FMN2: variants seen among roughly 807,000 people sequenced by gnomAD.
The protein encoded by FMN2 is formin-2.
Under a neutral mutation model 142.3 loss-of-function variants are expected in FMN2, and 51 were observed. The observed-to-expected ratio is 0.36, with a 90% CI of 0.29 to 0.45. The LOEUF (loss-of-function observed/expected upper bound fraction) is 0.45. Ranked by LOEUF, FMN2 falls within the 20% of genes least tolerant of loss-of-function variation. FMN2 has a pLI of 1.00. For synonymous variants in FMN2, 882 were observed against 869.8 expected (o/e 1.01, Z -0.25); for missense variants, 1,936 against 2,122.8 (o/e 0.91, Z 1.73).
Position 240,092,583 on chromosome 1 carries a change from G to T in FMN2, c.474G>T (p.Pro158=), listed in dbSNP as rs1198977248. Residue 158 remains proline (P), a synonymous_variant, in exon 1 of 18, where the codon CCG becomes CCT. Coordinates refer to ENST00000319653, the MANE Select transcript of FMN2 (RefSeq NM_020066.5). ...GPAEARVGGR[P]IAEDVETAAG... Reference sequence around the variant, plus strand: ...CCGAGGCTAGGGTCGGGGGCCGGCCGATCGCCGAGGATGTGGAAACTGCAG... The same window carrying T: ...CCGAGGCTAGGGTCGGGGGCCGGCCTATCGCCGAGGATGTGGAAACTGCAG... 6.2e-7 allele frequency: 1 copy of T among 1,613,510 alleles called. No individual in the cohort carries two copies. Among genetic ancestry groups the T allele is most frequent in the African/African-American group, 1.3e-5 (1 of 74,870 alleles).
chr1:240,425,830 G>C (rs1031692393), intron 15 of FMN2, among the ~76,000 whole-genome samples: 2 of 152,140 alleles, frequency 1.3e-5, no homozygotes, highest in South Asian at 4.1e-4. Context: ...TGTTTTTCAA[G>C]AAAGTCATCA....
intron 14 of FMN2, among the ~76,000 whole-genome samples, chr1:240,360,284 A>G (rs1672419151): frequency 6.6e-6 from 1 of 152,218 alleles, no homozygotes. Flanking sequence ...AAACAGTTAC[A>G]TGATTATACA....
chr1:240,332,251 A>C (rs946416755), intron 11 of FMN2, among the ~76,000 whole-genome samples: 1 of 140,676 alleles, frequency 7.1e-6, no homozygotes, highest in African/African-American at 2.8e-5. Flanking sequence ...AGAGCTGATA[A>C]ATTACATTTG....
intron 1 of FMN2, among the ~76,000 whole-genome samples, chr1:240,109,894 C>A (rs1004137808): frequency 2.6e-5 from 4 of 152,034 alleles, no homozygotes; most frequent in African/African-American, 9.7e-5. Context: ...GGGCAGGGAG[C>A]ATGTTTTCTT....
chr1:240,169,761 C>T (rs1664627225), intron 2 of FMN2, among the ~76,000 whole-genome samples: 1 of 152,154 alleles, frequency 6.6e-6, no homozygotes, highest in Admixed American at 6.5e-5. Flanking sequence ...AGGCGTGAGC[C>T]ACCAGCACAC....
chr1:240,119,444 C>A (rs1571945993), intron 1 of FMN2, among the ~76,000 whole-genome samples: 1 of 152,116 alleles, frequency 6.6e-6, no homozygotes. Flanking sequence ...AGAGGTTAGG[C>A]CTGGGGTTCT....
chr1:240,207,558 C>T lies in FMN2; in HGVS notation c.2746C>T (p.Pro916Ser), dbSNP rs778160976. ...EMLPPPPPPL[P>S]GAGIPPPPPL... The stretch of plus-strand genomic sequence containing the variant: ...GCTGCCACCCCCTCCCCCTCCTCTT[C>T]CCGGAGCGGGCATACCTCCTCCGCC... Residue 916 changes from proline (P) to serine (S), a missense_variant, in exon 5 of 18, where the codon CCC (proline) becomes TCC (serine). Pro to Ser is a moderately conservative substitution (Grantham distance 74). Transcript: ENST00000319653. 8.7e-6 allele frequency: 14 copies of T among 1,610,090 alleles called. No individual in the cohort carries two copies. In the African/African-American group the frequency reaches 1.7e-4, roughly 20 times the overall value.
chr1:240,123,620 G>A lies in FMN2; in HGVS notation c.1782+275G>A, dbSNP rs565534392. Among the ~76,000 whole-genome samples, 9 of 151,948 alleles carry A rather than the reference G, an allele frequency of 5.9e-5. No homozygotes were observed. In the South Asian group the frequency reaches 1.9e-3, roughly 32 times the overall value. ...TCTCTAGCCTGCTTTAATCAACGAT[G>A]ATTTTAAAAATTGATTTCTAAATTA... On this transcript the variant is annotated intron_variant, in intron 2 of 17. Coordinates refer to ENST00000319653, the MANE Select transcript of FMN2 (RefSeq NM_020066.5).
intron 8 of FMN2, among the ~76,000 whole-genome samples, chr1:240,309,136 G>A (rs148557293): frequency 3.3e-5 from 5 of 152,320 alleles, no homozygotes; most frequent in African/African-American, 9.6e-5. Context: ...TATGATGGAA[G>A]AGTACAAGAA....
chr1:240,324,677 A>AAGAG (rs764097978), intron 8 of FMN2, among the ~76,000 whole-genome samples: 10 of 137,380 alleles, frequency 7.3e-5, no homozygotes, highest in Non-Finnish European at 1.3e-4. Flanking sequence ...GAAAGAAGGA[A>AAGAG]AGAGAGAGAG....
intron 15 of FMN2, among the ~76,000 whole-genome samples, chr1:240,401,936 A>G (rs992613745): frequency 6.6e-6 from 1 of 152,194 alleles, no homozygotes; most frequent in African/African-American, 2.4e-5. Flanking sequence ...AAAAAGGAAT[A>G]TAACCTCACC....
intron 6 of FMN2, chr1:240,245,715 A>C (rs1668058585): frequency 2.3e-6 from 1 of 430,538 alleles, no homozygotes; most frequent in African/African-American, 2.0e-5. Context: ...TATCTTTCTC[A>C]TGGAGAAATC....
intron 13 of FMN2, among the ~76,000 whole-genome samples, chr1:240,352,027 C>G (rs1672112646): frequency 6.6e-6 from 1 of 152,174 alleles, no homozygotes; most frequent in South Asian, 2.1e-4. Context: ...AAATATTAGC[C>G]TTCCTTGCCT....
chr1:240,131,598 A>T (rs1475724841), intron 2 of FMN2, among the ~76,000 whole-genome samples: 1 of 151,918 alleles, frequency 6.6e-6, no homozygotes, highest in Non-Finnish European at 1.5e-5. Context: ...AATCCCAGCT[A>T]CTCAGGAGAC....
chr1:240,214,932 G>T (rs767393340), intron 6 of FMN2, among the ~76,000 whole-genome samples: 10 of 152,120 alleles, frequency 6.6e-5, no homozygotes, highest in Non-Finnish European at 1.2e-4. Context: ...TGGGTGCAGT[G>T]GTGCATGTCT....
intron 7 of FMN2, among the ~76,000 whole-genome samples, chr1:240,290,150 A>G (rs1021467980): frequency 1.3e-5 from 2 of 152,206 alleles, no homozygotes; most frequent in Non-Finnish European, 2.9e-5. Context: ...TTTTTAATGT[A>G]ATGCAGTCAT....
chr1:240,431,093 A>G (rs1675156352), intron 15 of FMN2, among the ~76,000 whole-genome samples: 1 of 151,582 alleles, frequency 6.6e-6, no homozygotes, highest in African/African-American at 2.4e-5. Context: ...TTATACCTTT[A>G]CAGTTATTTC....
intron 2 of FMN2, among the ~76,000 whole-genome samples, chr1:240,161,614 T>C (rs1279639689): frequency 6.6e-6 from 1 of 152,042 alleles, no homozygotes. Flanking sequence ...TTAAGCATTC[T>C]AGTATTTGTG....
At chr1:240,208,762 A>AGT (rs778334443) in intron 5 of FMN2, 30 bp downstream of exon 5, 1 of 1,571,134 alleles carries the variant, frequency 6.4e-7, no homozygotes, top group South Asian at 1.2e-5. Context: ...GTCTTTGCAC[A>AGT]GTGTGTGTCA....
Sources: allele counts gnomAD v4.1 joint callset (sites outside exome capture counted in the v4.1 genomes callset), GRCh38; gene constraint gnomAD v4.1.1; transcripts MANE v1.5; gene names NCBI Gene and HGNC (gene_info 2026-07-23, HGNC 2026-07-21).